The following ING4 variants were observed in gnomAD, a reference collection of about 807,000 sequenced individuals.
ING4 encodes the protein inhibitor of growth protein 4.
Under a neutral mutation model 33.1 loss-of-function variants are expected in ING4, and 28 were observed. The ratio of observed to expected loss-of-function variants is 0.85; its 90% CI spans 0.63 to 1.16. ING4 has a LOEUF of 1.16. ING4 is among the 50% of genes most tolerant of loss of function. The pLI is 0.00. For synonymous variants in ING4, 87 were observed against 104.4 expected (o/e 0.83, Z 1.02); for missense variants, 247 against 314.7 (o/e 0.78, Z 1.63).
At chr12:6,652,623 G>A in intron 5 of ING4, 39 bp downstream of exon 5, 3 of 1,570,418 alleles carry the variant, frequency 1.9e-6, no homozygotes, top group Non-Finnish European at 2.6e-6. Flanking sequence ...CGGGAGAGAA[G>A]AGGATGTCAT....
Position 6,651,319 on chromosome 12 carries a change from C to T in ING4, c.707+5G>A, listed in dbSNP as rs1449318352. The T allele has an allele frequency of 6.2e-7, 1 of 1,614,178 alleles. No individual in the cohort carries two copies. Among genetic ancestry groups the T allele is most frequent in the Non-Finnish European group, 8.5e-7 (1 of 1,179,990 alleles). ...CTTAGGGACCCTCCAACTCCTGCCA[C>T]TTACCATTTCCCCCGAGGCTTGGTT... On this transcript the variant is annotated splice_donor_5th_base_variant and intron_variant, in intron 7 of 7. Coordinates refer to ENST00000341550, the MANE Select transcript of ING4 (RefSeq NM_016162.4).
intron 1 of ING4, among the ~76,000 whole-genome samples, chr12:6,659,055 T>C (rs916547953): frequency 6.6e-6 from 1 of 152,244 alleles, no homozygotes; most frequent in African/African-American, 2.4e-5. Flanking sequence ...TCCCAGACTC[T>C]GTTAACTGCC....
In ING4 at chr12:6,656,687, C is replaced by T. The variant is rs758476446; in HGVS notation, c.109+40G>A. 7.3e-6 allele frequency: 8 copies of T among 1,092,848 alleles called. No individual in the cohort carries two copies. In the African/African-American group the frequency reaches 9.8e-5, roughly 13 times the overall value. The allele number at this position is 1,092,848 out of a possible 1,614,324, so 67.7% of individuals were successfully genotyped here. A position where few individuals can be genotyped will look rare whatever the true frequency, so the allele number is the denominator to read the frequency against. On this transcript the variant is annotated intron_variant, in intron 2 of 7. Coordinates refer to ENST00000341550, the MANE Select transcript of ING4 (RefSeq NM_016162.4). ...TCAAGTAGAAAAATAAATGATTACA[C>T]ACACTCATTAGATACAAAAACTTTT...
In ING4 at chr12:6,652,961, G is replaced by A; in HGVS notation, c.366C>T (p.Asp122=). The A allele has an allele frequency of 1.9e-6, 3 of 1,613,766 alleles. No individual in the cohort carries two copies. Among genetic ancestry groups the A allele is most frequent in the African/African-American group, 1.3e-5 (1 of 74,894 alleles). The part of the protein sequence containing the change: ...KEKQIESSDY[D]SSSSKGKKSR... ...TCTTTTTGCCTTTGCTGGAAGAGCT[G>A]TCATAGTCACTTGACTCAATCTGTT... The change falls in exon 4 of 8, where the codon GAC becomes GAT. Residue 122 remains aspartate, a synonymous_variant. Coordinates refer to ENST00000341550, the MANE Select transcript of ING4 (RefSeq NM_016162.4).
intron 1 of ING4, among the ~76,000 whole-genome samples, chr12:6,661,406 GTTTTT>G (rs1174675715): frequency 2.5e-5 from 3 of 118,590 alleles, no homozygotes; most frequent in African/African-American, 1.1e-4. Context: ...ACCAGCCTTT[GTTTTT>G]TTTTTTTTTT....
chr12:6,660,322 TA>T (rs1218268148), intron 1 of ING4, among the ~76,000 whole-genome samples: 1 of 150,534 alleles, frequency 6.6e-6, no homozygotes, highest in African/African-American at 2.5e-5. Flanking sequence ...ATATAAAAAA[TA>T]AAAGGCCTGG....
chr12:6,663,108 G>A lies in ING4; in HGVS notation c.-7C>T, dbSNP rs1199003182. 6.2e-7 allele frequency: 1 copy of A among 1,613,948 alleles called. No individual in the cohort carries two copies. Among genetic ancestry groups the A allele is most frequent in the African/African-American group, 1.3e-5 (1 of 74,910 alleles). ...AATACATCCCCGCAGCCATCTCGAA[G>A]CAAAACAAAGCAACTTCCGATCCGC... On this transcript the variant is annotated 5_prime_UTR_variant, in exon 1 of 8. Coordinates refer to ENST00000341550, the MANE Select transcript of ING4 (RefSeq NM_016162.4).
chr12:6,651,272 G>A, intron 7 of ING4, 38 bp from the exon 8 acceptor site: 1 of 1,613,992 alleles, frequency 6.2e-7, no homozygotes, highest in Non-Finnish European at 8.5e-7. Context: ...GAGTGAAAGG[G>A]AGAATGCCCT....
Position 6,650,945 on chromosome 12 carries a change from G to C in ING4, c.*250C>G. 1 of 571,010 alleles carries C rather than the reference G, an allele frequency of 1.8e-6. No individual in the cohort carries two copies. The highest frequency in any genetic ancestry group is 2.9e-5 in the East Asian group (1 of 34,208). 35.4% of individuals were successfully genotyped at this position (571,010 alleles called of 1,614,324 possible). On this transcript the variant is annotated 3_prime_UTR_variant, in exon 8 of 8. Transcript: ENST00000341550. ...CTCAGCATGGAGGCAAAAGGACAGT[G>C]GGCAAGACCACGTCCCTCCGAAGGG...
At chr12:6,659,705 C>T (rs953519286) in intron 1 of ING4, among the ~76,000 whole-genome samples, 7 of 146,448 alleles carry the variant, frequency 4.8e-5, no homozygotes, top group Non-Finnish European at 9.0e-5. Context: ...CCCAGCTACT[C>T]GGGAGGCTGA....
chr12:6,661,238 C>A (rs958513331), intron 1 of ING4, among the ~76,000 whole-genome samples: 12 of 151,426 alleles, frequency 7.9e-5, no homozygotes, highest in Non-Finnish European at 1.8e-4. Context: ...GCTGGGACTA[C>A]AGGGGCACAC....
intron 6 of ING4, 28 bp downstream of exon 6, chr12:6,652,243 C>A (rs760710150): frequency 1.2e-6 from 2 of 1,608,660 alleles, no homozygotes; most frequent in Admixed American, 3.3e-5. Flanking sequence ...CCTCACAACC[C>A]CCCATCCTAA....
intron 1 of ING4, among the ~76,000 whole-genome samples, chr12:6,659,963 TA>T (rs940958911): frequency 6.6e-6 from 1 of 151,824 alleles, no homozygotes; most frequent in African/African-American, 2.4e-5. Flanking sequence ...ACAAAAAAAT[TA>T]AAAAAAATAA....
rs373140860 is a variant in ING4 at position 6,651,123 on chromosome 12, C to T, written c.*72G>A. 1.7e-3 allele frequency: 2,611 copies of T among 1,539,958 alleles called. 3 individuals are homozygous for T. Among genetic ancestry groups the T allele is most frequent in the Non-Finnish European group, 2.1e-3 (2,365 of 1,113,734 alleles). ...CCTCCCTGAACCCCTGGCCCCAGCA[C>T]AGGCATTCCTCTGCCCACTAGCCCA... On this transcript the variant is annotated 3_prime_UTR_variant, in exon 8 of 8. Transcript: ENST00000341550.
chr12:6,658,623 T>C (rs1949447283), intron 1 of ING4, among the ~76,000 whole-genome samples: 2 of 152,052 alleles, frequency 1.3e-5, no homozygotes, highest in South Asian at 4.1e-4. Flanking sequence ...GAGGTGGACA[T>C]TTCAGTGAGC....
chr12:6,653,091 C>A (rs1267007356), intron 3 of ING4, 41 bp from the exon 4 acceptor site: 1 of 1,605,240 alleles, frequency 6.2e-7, no homozygotes, highest in Non-Finnish European at 8.5e-7. Flanking sequence ...ACAAAACTAT[C>A]TCCAATTAAA....
chr12:6,660,878 G>A (rs535321052), intron 1 of ING4, among the ~76,000 whole-genome samples: 5 of 149,616 alleles, frequency 3.3e-5, no homozygotes, highest in South Asian at 4.2e-4. Context: ...GTGCAATGGC[G>A]CAATCTCAGG....
chr12:6,658,230 G>T (rs1309853517), intron 1 of ING4, among the ~76,000 whole-genome samples: 1 of 151,956 alleles, frequency 6.6e-6, no homozygotes, highest in Non-Finnish European at 1.5e-5. Context: ...AAAGTGCTGG[G>T]ATTACTGGCA....
Position 6,663,116 on chromosome 12 carries a change from A to G in ING4, c.-15T>C, listed in dbSNP as rs756702696. ...CCCGCAGCCATCTCGAAGCAAAACAAAGCAACTTCCGATCCGCCCCGGAAG... is the reference window on the plus strand; with the variant it reads ...CCCGCAGCCATCTCGAAGCAAAACAGAGCAACTTCCGATCCGCCCCGGAAG... On this transcript the variant is annotated 5_prime_UTR_variant, in exon 1 of 8. Transcript: ENST00000341550. The G allele has an allele frequency of 1.1e-5, 18 of 1,613,978 alleles. No individual in the cohort carries two copies. The highest frequency in any genetic ancestry group is 1.4e-5 in the Non-Finnish European group (16 of 1,180,020).
Sources: allele counts gnomAD v4.1 joint callset (sites outside exome capture counted in the v4.1 genomes callset), GRCh38; gene constraint gnomAD v4.1.1; transcripts MANE v1.5; gene names NCBI Gene and HGNC (gene_info 2026-07-23, HGNC 2026-07-21).